CSMD3: variants seen among roughly 807,000 people sequenced by gnomAD.
The protein encoded by CSMD3 is CUB and sushi domain-containing protein 3.
Under a neutral mutation model 435.2 loss-of-function variants are expected in CSMD3, and 177 were observed. That is an observed-to-expected ratio of 0.41 (90% CI 0.36 to 0.46). The LOEUF (loss-of-function observed/expected upper bound fraction) is 0.46. CSMD3 is among the 20% of genes least tolerant of loss of function. CSMD3 has a pLI of 0.34. For missense variants in CSMD3, 4,265 were observed against 4,504.6 expected, an observed-to-expected ratio of 0.95 and a Z score of 1.52; for synonymous variants, 1,656 against 1,520.5, an observed-to-expected ratio of 1.09 and a Z score of -2.07.
chr8:112,575,567 T>A (rs914968446), intron 23 of CSMD3, among the ~76,000 whole-genome samples: 3 of 152,192 alleles, frequency 2.0e-5, no homozygotes, highest in South Asian at 4.1e-4. Context: ...TAAGGGAATA[T>A]CTTGAATCCC....
chr8:113,387,813 A>G (rs1307851403), intron 1 of CSMD3, among the ~76,000 whole-genome samples: 1 of 151,748 alleles, frequency 6.6e-6, no homozygotes, highest in Non-Finnish European at 1.5e-5. Flanking sequence ...AGCTGCTAAC[A>G]TGTAGTTCTT....
Position 112,306,065 on chromosome 8 carries a change from T to G in CSMD3, c.8013A>C (p.Thr2671=), listed in dbSNP as rs199622097. The G allele has an allele frequency of 2.4e-5, 39 of 1,613,776 alleles. No individual in the cohort carries two copies. Among genetic ancestry groups the G allele is most frequent in the Non-Finnish European group, 3.1e-5 (37 of 1,179,840 alleles). The change falls in exon 51 of 71, where the codon ACA becomes ACC. Residue 2671 remains threonine (T), a synonymous_variant. Coordinates refer to ENST00000297405, the MANE Select transcript of CSMD3 (RefSeq NM_198123.2). ...GYRLSSKELT[T]AVCQSDGTWS... Reference sequence around the variant, plus strand: ...ATGTTCCATCTGATTGGCATACAGCTGTAGTGAGTTCTTTGGATGACAATC... The same window carrying G: ...ATGTTCCATCTGATTGGCATACAGCGGTAGTGAGTTCTTTGGATGACAATC...
At position 113,126,096 on chromosome 8, in the gene CSMD3, T is replaced by C. The variant is rs77558700; in HGVS notation, c.710-27133A>G. Among the ~76,000 whole-genome samples the C allele has an allele frequency of 4.9e-3, 738 of 152,116 alleles. 6 individuals carry two copies. The highest frequency in any genetic ancestry group is 0.017 in the African/African-American group (693 of 41,550). ...CTAACGCACTTGAGAGGAGAAGGCA[T>C]AGGAAGTGTATAACTCTTCGAATTG... On this transcript the variant is annotated intron_variant, in intron 4 of 70. Coordinates refer to ENST00000297405, the MANE Select transcript of CSMD3 (RefSeq NM_198123.2).
intron 31 of CSMD3, among the ~76,000 whole-genome samples, chr8:112,475,554 AAATTAACTATGC>A (rs777734573): frequency 1.3e-5 from 2 of 152,168 alleles, no homozygotes; most frequent in African/African-American, 2.4e-5. Flanking sequence ...AAATAAGGGA[AAATTAACTATGC>A]TCTGAGATAC....
chr8:112,345,202 C>G (rs7845794), intron 41 of CSMD3, among the ~76,000 whole-genome samples: 2 of 151,808 alleles, frequency 1.3e-5, no homozygotes, highest in African/African-American at 4.8e-5. Context: ...AAATTTAAAA[C>G]AGAACTACCA....
At chr8:112,999,099 G>A (rs1043280770) in intron 6 of CSMD3, among the ~76,000 whole-genome samples, 22 of 151,560 alleles carry the variant, frequency 1.5e-4, no homozygotes, top group African/African-American at 5.1e-4. Flanking sequence ...CATATGCCTG[G>A]ACTCCTCTAC....
intron 41 of CSMD3, among the ~76,000 whole-genome samples, chr8:112,343,496 G>A (rs776868621): frequency 6.6e-6 from 1 of 152,078 alleles, no homozygotes; most frequent in Non-Finnish European, 1.5e-5. Context: ...CCTCAGGCCA[G>A]TCACACAGTG....
chr8:112,470,448 T>A (rs1818409040), intron 32 of CSMD3, among the ~76,000 whole-genome samples: 1 of 152,118 alleles, frequency 6.6e-6, no homozygotes, highest in Admixed American at 6.5e-5. Flanking sequence ...AATAACCACA[T>A]AAGGTAGGTA....
intron 1 of CSMD3, among the ~76,000 whole-genome samples, chr8:113,383,921 C>G (rs559069105): frequency 6.6e-6 from 1 of 152,202 alleles, no homozygotes; most frequent in South Asian, 2.1e-4. Context: ...AAGTGCACCC[C>G]CTACCAAAAC....
At chr8:113,308,630 T>G (rs531016289) in intron 2 of CSMD3, among the ~76,000 whole-genome samples, 28 of 152,338 alleles carry the variant, frequency 1.8e-4, no homozygotes, top group African/African-American at 6.5e-4. Flanking sequence ...TGGTATATTG[T>G]TCAATATTTA....
chr8:113,134,181 T>C (rs1316076639), intron 4 of CSMD3, among the ~76,000 whole-genome samples: 1 of 152,100 alleles, frequency 6.6e-6, no homozygotes, highest in African/African-American at 2.4e-5. Flanking sequence ...AATACTTTTC[T>C]TGCTCTGGGT....
chr8:112,736,547 T>A (rs1408792499), intron 13 of CSMD3, among the ~76,000 whole-genome samples: 1 of 152,048 alleles, frequency 6.6e-6, no homozygotes, highest in Admixed American at 6.6e-5. Context: ...TGCTCACTCA[T>A]GCTTCAGGAT....
At chr8:112,245,354 T>C (rs761160593) in intron 64 of CSMD3, among the ~76,000 whole-genome samples, 50 of 152,164 alleles carry the variant, frequency 3.3e-4, no homozygotes, top group Non-Finnish European at 4.6e-4. Context: ...CAGATAGCAT[T>C]TTTTAATTAT....
intron 70 of CSMD3, among the ~76,000 whole-genome samples, chr8:112,226,891 A>G (rs913353763): frequency 1.1e-4 from 16 of 152,202 alleles, no homozygotes; most frequent in Non-Finnish European, 2.4e-4. Flanking sequence ...ATAAAAAACA[A>G]AAGACAAAGC....
At chr8:112,566,914 A>G (rs544166819) in intron 24 of CSMD3, among the ~76,000 whole-genome samples, 1 of 152,226 alleles carries the variant, frequency 6.6e-6, no homozygotes, top group Non-Finnish European at 1.5e-5. Context: ...AAGCCTGTCT[A>G]TAAAATCTGG....
At chr8:112,442,429 C>T (rs902047018) in intron 32 of CSMD3, among the ~76,000 whole-genome samples, 1 of 152,182 alleles carries the variant, frequency 6.6e-6, no homozygotes, top group Admixed American at 6.5e-5. Flanking sequence ...ATTGAATTTA[C>T]ATCCAAACTC....
chr8:113,242,820 T>C (rs1251502894), intron 3 of CSMD3, among the ~76,000 whole-genome samples: 1 of 151,978 alleles, frequency 6.6e-6, no homozygotes, highest in Non-Finnish European at 1.5e-5. Context: ...ACATTGAATA[T>C]ACCTAAAATA....
At chr8:112,699,691 G>A (rs1291759428) in intron 13 of CSMD3, among the ~76,000 whole-genome samples, 1 of 152,168 alleles carries the variant, frequency 6.6e-6, no homozygotes, top group Non-Finnish European at 1.5e-5. Context: ...TTTGCCTCCT[G>A]GTGTGATGTC....
intron 30 of CSMD3, among the ~76,000 whole-genome samples, chr8:112,501,626 C>T (rs1331476977): frequency 6.6e-6 from 1 of 152,102 alleles, no homozygotes; most frequent in African/African-American, 2.4e-5. Flanking sequence ...AATAATTCGG[C>T]AATACAGAGT....
Sources: gnomAD v4.1 joint callset for allele counts (sites outside exome capture counted in the v4.1 genomes callset) on GRCh38, gnomAD v4.1.1 for gene constraint, MANE v1.5 for transcripts, NCBI Gene and HGNC (gene_info 2026-07-23, HGNC 2026-07-21) for gene names.